The following CCDC141 variants were observed in gnomAD, a reference collection of about 807,000 sequenced individuals.
The protein encoded by CCDC141 is coiled-coil domain containing 141.
In CCDC141, 168 loss-of-function variants were observed where a neutral mutation model predicts 181.0. That is an observed-to-expected ratio of 0.93 (90% CI 0.82 to 1.05). The LOEUF (loss-of-function observed/expected upper bound fraction) is 1.05, where lower values mean the gene tolerates loss of function less well. CCDC141 is among the 50% of genes least tolerant of loss of function. CCDC141 has a pLI of 0.00. For missense variants in CCDC141, 1,902 were observed against 1,788.5 expected (o/e 1.06, Z -1.14); for synonymous variants, 666 against 642.3 (o/e 1.04, Z -0.56).
At chr2:179,009,406 G>T (rs923360676) in intron 2 of CCDC141, among the ~76,000 whole-genome samples, 2 of 152,122 alleles carry the variant, frequency 1.3e-5, no homozygotes, top group African/African-American at 2.4e-5. Flanking sequence ...TCAGAGGGAA[G>T]GTCTAGGGCT....
intron 8 of CCDC141, among the ~76,000 whole-genome samples, chr2:178,890,220 G>T (rs1687080228): frequency 6.6e-6 from 1 of 152,130 alleles, no homozygotes; most frequent in East Asian, 1.9e-4. Context: ...TGAATAAAAG[G>T]AATTTGGAAA....
At chr2:178,862,332 A>G (rs1685657207) in intron 17 of CCDC141, among the ~76,000 whole-genome samples, 1 of 152,198 alleles carries the variant, frequency 6.6e-6, no homozygotes, top group Non-Finnish European at 1.5e-5. Context: ...TGTCATTACT[A>G]TTCTTTTCAG....
intron 5 of CCDC141, among the ~76,000 whole-genome samples, chr2:178,951,402 C>T (rs1188617135): frequency 6.6e-6 from 1 of 152,172 alleles, no homozygotes; most frequent in African/African-American, 2.4e-5. Flanking sequence ...TAATGGATTT[C>T]CTACCAAAGT....
At chr2:179,012,799 G>A (rs1302576262) in intron 2 of CCDC141, among the ~76,000 whole-genome samples, 1 of 152,030 alleles carries the variant, frequency 6.6e-6, no homozygotes, top group Non-Finnish European at 1.5e-5. Flanking sequence ...AGGGATGCAG[G>A]GATAGCTTAA....
chr2:179,014,172 A>C (rs1030360578), intron 2 of CCDC141, among the ~76,000 whole-genome samples: 1 of 152,068 alleles, frequency 6.6e-6, no homozygotes, highest in African/African-American at 2.4e-5. Flanking sequence ...AAAGCAGGGA[A>C]AGGACACCCT....
At chr2:179,009,314 TC>T (rs980341152) in intron 2 of CCDC141, among the ~76,000 whole-genome samples, 7 of 152,266 alleles carry the variant, frequency 4.6e-5, no homozygotes, top group African/African-American at 1.7e-4. Flanking sequence ...TAAATAGTTC[TC>T]CCCCCTGGGG....
Position 178,889,525 on chromosome 2 carries a change from C to T in CCDC141, c.1266-857G>A, listed in dbSNP as rs193037278. 3.3e-5 allele frequency among the ~76,000 whole-genome samples: 5 copies of T among 152,180 alleles called. No individual in the cohort carries two copies. The East Asian group carries it at 9.6e-4, about 29-fold the overall frequency. On this transcript the variant is annotated intron_variant, in intron 8 of 23. Coordinates refer to ENST00000443758, the MANE Select transcript of CCDC141 (RefSeq NM_173648.4). The stretch of plus-strand genomic sequence containing the variant: ...ATGATAACCCTTAAATTTAATTACC[C>T]AGAGTTTAAAAAGAGCTCAGAACAA...
intron 23 of CCDC141, chr2:178,836,501 CA>C (rs921568414): frequency 6.2e-6 from 1 of 160,842 alleles, no homozygotes; most frequent in African/African-American, 2.4e-5. Flanking sequence ...GAAATAAAAA[CA>C]AATTCTTATA....
At chr2:179,013,020 A>C (rs1010970327) in intron 2 of CCDC141, among the ~76,000 whole-genome samples, 2 of 152,126 alleles carry the variant, frequency 1.3e-5, no homozygotes, top group African/African-American at 4.8e-5. Context: ...TACTGAATGG[A>C]GAAAAGTTGA....
chr2:178,823,744 T>C, the CCDC141 span, among the ~76,000 whole-genome samples: 1 of 152,240 alleles, frequency 6.6e-6, no homozygotes, highest in South Asian at 2.1e-4. Context: ...TTGCTATATG[T>C]GTACACCTAT....
rs1170270000 is a variant in CCDC141 at position 178,837,076 on chromosome 2, GC to G, written c.4142del (p.Gly1381AlafsTer24). On this transcript the variant is annotated frameshift_variant, in exon 23 of 24. Transcript: ENST00000443758. LOFTEE classifies it high-confidence loss of function. ...GLRFQSGTSR[G>X]YQRQMVPREE... Reference sequence around the variant, plus strand: ...CTCGAGGAACCATTTGCCTCTGATAGCCCCTGCTGGTGCCTGATTGAAACCT... The same window carrying G: ...CTCGAGGAACCATTTGCCTCTGATAGCCCTGCTGGTGCCTGATTGAAACCT... The G allele has an allele frequency of 6.2e-7, 1 of 1,613,984 alleles. No homozygotes were observed. The highest frequency in any genetic ancestry group is 8.5e-7 in the Non-Finnish European group (1 of 1,179,964).
intron 4 of CCDC141, among the ~76,000 whole-genome samples, chr2:178,967,732 A>C (rs1327990605): frequency 2.6e-5 from 4 of 152,216 alleles, no homozygotes; most frequent in Non-Finnish European, 5.9e-5. Context: ...TCAAATTCAC[A>C]CATAACAATA....
intron 14 of CCDC141, among the ~76,000 whole-genome samples, chr2:178,871,060 C>G (rs1038837061): frequency 6.6e-6 from 1 of 152,050 alleles, no homozygotes; most frequent in Non-Finnish European, 1.5e-5. Context: ...GCCTCTGGGT[C>G]CGAGGTTGCC....
intron 8 of CCDC141, among the ~76,000 whole-genome samples, chr2:178,901,539 T>G (rs908720163): frequency 6.6e-6 from 1 of 152,176 alleles, no homozygotes; most frequent in East Asian, 1.9e-4. Flanking sequence ...AGAAAAGGCC[T>G]TTGACAAAAT....
At chr2:178,968,832 G>A (rs960265229) in intron 4 of CCDC141, among the ~76,000 whole-genome samples, 9 of 151,822 alleles carry the variant, frequency 5.9e-5, no homozygotes, top group African/African-American at 1.9e-4. Flanking sequence ...AAAACAGACC[G>A]CTAGCCAGAC....
chr2:178,999,711 A>G (rs542008096), intron 2 of CCDC141, among the ~76,000 whole-genome samples: 37 of 151,968 alleles, frequency 2.4e-4, no homozygotes, highest in Admixed American at 1.3e-3. Context: ...ATGGTCTATC[A>G]TCTATTTCTC....
chr2:178,849,345 T>C (rs936588679), intron 21 of CCDC141, among the ~76,000 whole-genome samples: 1 of 152,132 alleles, frequency 6.6e-6, no homozygotes, highest in Non-Finnish European at 1.5e-5. Flanking sequence ...ACAAATCCAA[T>C]TATTTAGGGA....
intron 6 of CCDC141, among the ~76,000 whole-genome samples, chr2:178,919,698 C>T (rs536625906): frequency 6.6e-6 from 1 of 152,326 alleles, no homozygotes; most frequent in South Asian, 2.1e-4. Flanking sequence ...GAAGAGAAAT[C>T]ACATGTCTTA....
At chr2:178,879,998 T>C (rs1263030230) in intron 11 of CCDC141, among the ~76,000 whole-genome samples, 1 of 152,198 alleles carries the variant, frequency 6.6e-6, no homozygotes, top group Non-Finnish European at 1.5e-5. Context: ...CTGTAACCAA[T>C]ATAACTGAGA....
Sources: allele counts gnomAD v4.1 joint callset (sites outside exome capture counted in the v4.1 genomes callset), GRCh38; gene constraint gnomAD v4.1.1; transcripts MANE v1.5; gene names NCBI Gene and HGNC (gene_info 2026-07-23, HGNC 2026-07-21).